The following CLMN variants were observed in gnomAD, a reference collection of about 807,000 sequenced individuals.
CLMN encodes the protein calmin.
In CLMN, 57 loss-of-function variants were observed where a neutral mutation model predicts 92.7. That is an observed-to-expected ratio of 0.61 (90% confidence interval 0.50 to 0.77). CLMN has a LOEUF of 0.77. Ranked by LOEUF, CLMN falls within the 30% of genes least tolerant of loss-of-function variation. CLMN has a pLI of 0.00. For synonymous variants in CLMN, 466 were observed against 470.6 expected (o/e 0.99, Z 0.13); for missense variants, 1,158 against 1,237.5 (o/e 0.94, Z 0.96).
chr14:95,289,170 T>C (rs1043806086), intron 1 of CLMN, among the ~76,000 whole-genome samples: 2 of 152,136 alleles, frequency 1.3e-5, no homozygotes, highest in Non-Finnish European at 2.9e-5. Context: ...TCTGTACACT[T>C]TACTGTTATA....
chr14:95,194,120 G>A lies in CLMN; in HGVS notation c.2770-201C>T. 12 of 1,419,248 alleles carry A rather than the reference G, an allele frequency of 8.5e-6. No individual in the cohort carries two copies. Among genetic ancestry groups the A allele is most frequent in the Non-Finnish European group, 1.1e-5 (12 of 1,093,646 alleles). The allele number at this position is 1,419,248 out of a possible 1,614,324, so 87.9% of individuals were successfully genotyped here. A position where few individuals can be genotyped will look rare whatever the true frequency, so the allele number is the denominator to read the frequency against. On this transcript the variant is annotated intron_variant, in intron 11 of 12. Coordinates refer to ENST00000298912, the MANE Select transcript of CLMN (RefSeq NM_024734.4). The surrounding 1 kb of genome is among the most constrained non-coding windows in gnomAD (Gnocchi z 4.0). ...CCTCCCCTAAGCCCCTCCCTTGTGA[G>A]TGCGAGAGACCCCACCACCCGGAAC... is the stretch of plus-strand genomic sequence containing the variant.
intron 9 of CLMN, among the ~76,000 whole-genome samples, chr14:95,202,012 C>T (rs1896898705): frequency 6.6e-6 from 1 of 152,156 alleles, no homozygotes; most frequent in African/African-American, 2.4e-5. Flanking sequence ...CATGTCTTTG[C>T]TATTGTAAAT....
chr14:95,216,843 C>G (rs190071404), intron 4 of CLMN, among the ~76,000 whole-genome samples: 2 of 152,284 alleles, frequency 1.3e-5, no homozygotes, highest in East Asian at 3.9e-4. Flanking sequence ...CGTGGGACCC[C>G]CATGTTAGAA....
chr14:95,309,593 C>A (rs1308469466), intron 1 of CLMN, among the ~76,000 whole-genome samples: 2 of 152,242 alleles, frequency 1.3e-5, no homozygotes, highest in Non-Finnish European at 2.9e-5. Flanking sequence ...AAGCCGGACT[C>A]TCCCTTCCTC....
chr14:95,277,690 C>T (rs926996903), intron 1 of CLMN, among the ~76,000 whole-genome samples: 40 of 152,190 alleles, frequency 2.6e-4, no homozygotes, highest in African/African-American at 8.7e-4. Flanking sequence ...TGCAGTGGCA[C>T]GATCTTGGCT....
intron 1 of CLMN, among the ~76,000 whole-genome samples, chr14:95,240,303 A>T (rs1474002393): frequency 6.6e-6 from 1 of 152,206 alleles, no homozygotes; most frequent in Non-Finnish European, 1.5e-5. Flanking sequence ...TCTGGCACAC[A>T]GCGGTGCTAC....
At position 95,250,556 on chromosome 14, in the gene CLMN, T is replaced by C. The variant is rs148572572; in HGVS notation, c.83-20423A>G. ...GCAACAGGCTCTCTGGGATGTGTTC[T>C]TCCCTCTGTTATGTTGCCCCACATG... On this transcript the variant is annotated intron_variant, in intron 1 of 12. Coordinates refer to ENST00000298912, the MANE Select transcript of CLMN (RefSeq NM_024734.4). Among the ~76,000 whole-genome samples, 1,343 of 152,356 alleles carry C rather than the reference T, an allele frequency of 8.8e-3. 8 individuals carry two copies. Among genetic ancestry groups the C allele is most frequent in the Non-Finnish European group, 0.012 (827 of 68,020 alleles).
chr14:95,224,110 G>A (rs1171162386), intron 2 of CLMN, among the ~76,000 whole-genome samples: 1 of 152,206 alleles, frequency 6.6e-6, no homozygotes, highest in Non-Finnish European at 1.5e-5. Context: ...AGTGGCCCTT[G>A]GGGGCCCTTC....
chr14:95,200,893 G>A (rs1896858925), intron 9 of CLMN, among the ~76,000 whole-genome samples: 1 of 152,008 alleles, frequency 6.6e-6, no homozygotes, highest in African/African-American at 2.4e-5. Flanking sequence ...TGCAGAACAG[G>A]CTAGTGTTCA....
At chr14:95,285,016 C>A (rs1421262946) in intron 1 of CLMN, among the ~76,000 whole-genome samples, 7 of 152,024 alleles carry the variant, frequency 4.6e-5, no homozygotes, top group South Asian at 4.2e-4. Flanking sequence ...GTGGGAGGGA[C>A]CCAGGGGGAG....
chr14:95,209,681 T>C (rs1897140890), intron 7 of CLMN, among the ~76,000 whole-genome samples: 2 of 152,240 alleles, frequency 1.3e-5, no homozygotes, highest in East Asian at 1.9e-4. Flanking sequence ...AGCAAGGATA[T>C]AGAATTTAGG....
At position 95,257,411 on chromosome 14, in the gene CLMN, G is replaced by A. The variant is rs1899044831; in HGVS notation, c.83-27278C>T. Among the ~76,000 whole-genome samples, 3 of 152,206 alleles carry A rather than the reference G, an allele frequency of 2.0e-5. 1 individual carries two copies. Among genetic ancestry groups the A allele is most frequent in the African/African-American group, 4.8e-5 (2 of 41,442 alleles). ...GTGTCTATTCATTGACATAGACCCT[G>A]CAGGAGCCATTTGTTTTGTTCATAG... is the stretch of plus-strand genomic sequence containing the variant. On this transcript the variant is annotated intron_variant, in intron 1 of 12. Transcript: ENST00000298912.
rs147449697 is a variant in CLMN at position 95,278,476 on chromosome 14, G to A, written c.82+41235C>T. Among the ~76,000 whole-genome samples the A allele has an allele frequency of 4.7e-5, 7 of 148,882 alleles. No individual in the cohort carries two copies. In the East Asian group the frequency reaches 8.7e-4, roughly 18 times the overall value. On this transcript the variant is annotated intron_variant, in intron 1 of 12. Transcript: ENST00000298912. Reference sequence around the variant, plus strand: ...GACATAAGATAATTTCTAACAGCCCGAGACTCCTGGCAAAAAAGGGAGAAG... The same window carrying A: ...GACATAAGATAATTTCTAACAGCCCAAGACTCCTGGCAAAAAAGGGAGAAG...
Position 95,203,930 on chromosome 14 carries a change from T to C in CLMN, c.1419A>G (p.Glu473=). Residue 473 remains glutamate (E), a synonymous_variant, in exon 9 of 13, where the codon GAA becomes GAG. Transcript: ENST00000298912. ...VLAVEVAEEK[E]QKQESSKIPE... is the part of the protein sequence containing the mutation. Reference sequence around the variant, plus strand: ...GAATCTTCGAGGATTCCTGTTTCTGTTCCTTTTCCTCAGCAACCTCAACTG... The same window carrying C: ...GAATCTTCGAGGATTCCTGTTTCTGCTCCTTTTCCTCAGCAACCTCAACTG... 6.2e-7 allele frequency: 1 copy of C among 1,614,164 alleles called. No individual in the cohort carries two copies. The highest frequency in any genetic ancestry group is 1.6e-4 in the Middle Eastern group (1 of 6,062).
intron 3 of CLMN, 113 bp downstream of exon 3, chr14:95,223,647 G>T: frequency 2.6e-6 from 2 of 756,684 alleles, no homozygotes; most frequent in Non-Finnish European, 2.1e-6. Context: ...AAAAGTCACC[G>T]CTTCAGAGTT....
rs1446198829 is a variant in CLMN, at chr14:95,183,093, A to G, written c.*8471T>C. The stretch of plus-strand genomic sequence containing the variant: ...AACCTTTGGATTTTTAAACTTAGAA[A>G]GGACTTTTAAAAGAAGTCTTCCCAC... On this transcript the variant is annotated 3_prime_UTR_variant, in exon 13 of 13. Coordinates refer to ENST00000298912, the MANE Select transcript of CLMN (RefSeq NM_024734.4). The G allele has an allele frequency of 6.6e-6, 1 of 152,250 alleles. No homozygotes were observed. The highest frequency in any genetic ancestry group is 2.4e-5 in the African/African-American group (1 of 41,462). 9.4% of individuals were successfully genotyped at this position (152,250 alleles called of 1,614,324 possible).
intron 1 of CLMN, among the ~76,000 whole-genome samples, chr14:95,261,958 T>C (rs1011031563): frequency 6.6e-5 from 10 of 152,170 alleles, no homozygotes; most frequent in Non-Finnish European, 1.5e-4. Flanking sequence ...GTCCTGGAAA[T>C]TTTTCCTCCA....
At chr14:95,219,733 T>C (rs937293823) in intron 4 of CLMN, among the ~76,000 whole-genome samples, 32 of 152,174 alleles carry the variant, frequency 2.1e-4, no homozygotes, top group African/African-American at 7.5e-4. Context: ...AGCAGTGTCA[T>C]TGACTCAACA....
rs1022364821 is a variant in CLMN at position 95,245,620 on chromosome 14, A to G, written c.83-15487T>C. Among the ~76,000 whole-genome samples, 5 of 124,502 alleles carry G rather than the reference A, an allele frequency of 4.0e-5. No individual in the cohort carries two copies. The South Asian group carries it at 1.5e-3, about 37-fold the overall frequency. 81.7% of individuals were successfully genotyped at this position (124,502 alleles called of 152,430 possible). On this transcript the variant is annotated intron_variant, in intron 1 of 12. Transcript: ENST00000298912. ...GATGGATGAATGAATGGATAGGTGG[A>G]TGGGTGAGTGGGTGGATGGATGGAT...
Sources: gnomAD v4.1 joint callset for allele counts (sites outside exome capture counted in the v4.1 genomes callset) on GRCh38, gnomAD v4.1.1 for gene constraint, Gnocchi (gnomAD v3.1) non-coding constraint, MANE v1.5 for transcripts, NCBI Gene and HGNC (gene_info 2026-07-23, HGNC 2026-07-21) for gene names.